The following ASTN2 variants were observed in gnomAD, a reference collection of about 807,000 sequenced individuals.
ASTN2 encodes astrotactin-2.
In ASTN2, 54 loss-of-function variants were observed where a neutral mutation model predicts 139.8. The observed-to-expected ratio is 0.39, with a 90% CI of 0.31 to 0.48. The LOEUF is 0.48. Ranked by LOEUF, ASTN2 falls within the 20% of genes least tolerant of loss-of-function variation. The probability of loss-of-function intolerance (pLI) is 0.95; values close to 1 mark genes in which losing one functional copy is unlikely to be tolerated. For missense variants in ASTN2, 1,565 were observed against 1,725.1 expected (o/e 0.91, Z 1.64); for synonymous variants, 756 against 719.5 (o/e 1.05, Z -0.81).
intron 10 of ASTN2, among the ~76,000 whole-genome samples, chr9:116,904,266 G>A (rs1834098298): frequency 6.6e-6 from 1 of 152,116 alleles, no homozygotes; most frequent in Non-Finnish European, 1.5e-5. Flanking sequence ...GAGCATCAGG[G>A]GTTAAGGCTG....
At chr9:117,283,113 C>T (rs1447995823) in intron 2 of ASTN2, among the ~76,000 whole-genome samples, 1 of 152,044 alleles carries the variant, frequency 6.6e-6, no homozygotes, top group African/African-American at 2.4e-5. Flanking sequence ...GACTAGCCTG[C>T]ATTTCTATAG....
At chr9:117,120,450 T>C (rs1829529421) in intron 4 of ASTN2, among the ~76,000 whole-genome samples, 1 of 152,126 alleles carries the variant, frequency 6.6e-6, no homozygotes, top group Non-Finnish European at 1.5e-5. Flanking sequence ...TGGACTTTTA[T>C]TTGGACAATC....
At chr9:117,075,221 T>C (rs902326308) in intron 5 of ASTN2, among the ~76,000 whole-genome samples, 1 of 152,050 alleles carries the variant, frequency 6.6e-6, no homozygotes, top group African/African-American at 2.4e-5. Context: ...AGTCCCCAAA[T>C]CTCCCAAAGG....
chr9:116,652,712 G>A (rs803913), intron 16 of ASTN2, among the ~76,000 whole-genome samples: 82,448 of 152,026 alleles, frequency 0.54, 23,165 homozygotes, highest in East Asian at 0.87. Context: ...AAATGAGAAA[G>A]GAGGAGGTAG....
At chr9:117,000,936 T>A (rs1290225919) in intron 7 of ASTN2, among the ~76,000 whole-genome samples, 4 of 152,190 alleles carry the variant, frequency 2.6e-5, no homozygotes, top group Non-Finnish European at 4.4e-5. Context: ...ACTCTCATGA[T>A]GCCATGTGAG....
At chr9:117,081,124 T>C (rs184971286) in intron 5 of ASTN2, among the ~76,000 whole-genome samples, 1 of 152,278 alleles carries the variant, frequency 6.6e-6, no homozygotes, top group East Asian at 1.9e-4. Flanking sequence ...AAACACAGAA[T>C]GGGTTTGACT....
At chr9:117,369,933 C>G (rs1467365692) in intron 1 of ASTN2, among the ~76,000 whole-genome samples, 2 of 152,114 alleles carry the variant, frequency 1.3e-5, no homozygotes, top group Non-Finnish European at 2.9e-5. Flanking sequence ...TCCACAGGCC[C>G]AGGTTGCCTC....
chr9:117,364,995 A>G (rs1829796591), intron 1 of ASTN2, among the ~76,000 whole-genome samples: 1 of 141,114 alleles, frequency 7.1e-6, no homozygotes. Context: ...ACACACACAC[A>G]CACAAAATCA....
intron 5 of ASTN2, among the ~76,000 whole-genome samples, chr9:117,080,699 G>A (rs1372545204): frequency 6.6e-6 from 1 of 152,106 alleles, no homozygotes; most frequent in Admixed American, 6.5e-5. Context: ...CCACCAATAA[G>A]GTTGAAACAG....
At chr9:116,839,189 G>C (rs60118454) in intron 11 of ASTN2, among the ~76,000 whole-genome samples, 6,164 of 152,156 alleles carry the variant, frequency 0.041, 304 homozygotes, top group African/African-American at 0.12. Context: ...TGTCACCCAG[G>C]CTGGAGTGCA....
intron 1 of ASTN2, among the ~76,000 whole-genome samples, chr9:117,392,483 G>C (rs183792508): frequency 6.6e-6 from 1 of 152,198 alleles, no homozygotes; most frequent in African/African-American, 2.4e-5. Flanking sequence ...CTGTTTGTTT[G>C]TTTGTTTTGT....
chr9:116,824,486 C>T (rs1174883980), intron 11 of ASTN2, among the ~76,000 whole-genome samples: 4 of 152,190 alleles, frequency 2.6e-5, no homozygotes, highest in Admixed American at 1.3e-4. Flanking sequence ...CTCTGGCCAA[C>T]AGCCAGTAAG....
chr9:116,933,399 G>A (rs1390071479), intron 10 of ASTN2, among the ~76,000 whole-genome samples: 1 of 152,028 alleles, frequency 6.6e-6, no homozygotes, highest in Non-Finnish European at 1.5e-5. Flanking sequence ...AGACAGAAGG[G>A]GAGCCGGAGT....
intron 5 of ASTN2, among the ~76,000 whole-genome samples, chr9:117,046,365 C>T (rs774491400): frequency 1.3e-5 from 2 of 152,128 alleles, no homozygotes; most frequent in Non-Finnish European, 2.9e-5. Context: ...TGCCTAAGTT[C>T]TGGCAAGTGA....
intron 2 of ASTN2, among the ~76,000 whole-genome samples, chr9:117,219,601 A>C (rs1246598647): frequency 6.6e-6 from 1 of 152,204 alleles, no homozygotes; most frequent in Non-Finnish European, 1.5e-5. Flanking sequence ...AGTTCTAGAA[A>C]TAATAACATC....
intron 3 of ASTN2, among the ~76,000 whole-genome samples, chr9:117,201,564 A>G (rs1377777339): frequency 6.6e-6 from 1 of 152,114 alleles, no homozygotes; most frequent in East Asian, 1.9e-4. Flanking sequence ...GTTTCAAAGA[A>G]CTTCTTGATT....
At chr9:117,049,049 C>T (rs1248217904) in intron 5 of ASTN2, among the ~76,000 whole-genome samples, 1 of 146,860 alleles carries the variant, frequency 6.8e-6, no homozygotes, top group Non-Finnish European at 1.5e-5. Context: ...CACACTGCAA[C>T]CTCTACCTCC....
intron 10 of ASTN2, among the ~76,000 whole-genome samples, chr9:116,902,789 A>C (rs1020637186): frequency 6.6e-6 from 1 of 152,170 alleles, no homozygotes; most frequent in African/African-American, 2.4e-5. Flanking sequence ...TCCTTTTGAA[A>C]CTTAGGGTAG....
chr9:117,086,484 G>C (rs913491022), intron 5 of ASTN2, among the ~76,000 whole-genome samples: 1 of 152,180 alleles, frequency 6.6e-6, no homozygotes, highest in South Asian at 2.1e-4. Context: ...TGAGGCAGGA[G>C]AATCGCTTGA....
Sources: gnomAD v4.1 joint callset for allele counts (sites outside exome capture counted in the v4.1 genomes callset) on GRCh38, gnomAD v4.1.1 for gene constraint, MANE v1.5 for transcripts, NCBI Gene and HGNC (gene_info 2026-07-23, HGNC 2026-07-21) for gene names.